AFAP1L1: variants seen among roughly 807,000 people sequenced by gnomAD.
The protein encoded by AFAP1L1 is actin filament-associated protein 1-like 1.
A neutral mutation model predicts 99.8 loss-of-function variants in AFAP1L1; 77 were observed. That is an observed-to-expected ratio of 0.77 (90% confidence interval 0.64 to 0.93). The LOEUF is 0.93. Among genes scored for constraint, AFAP1L1 ranks in the 40% least tolerant of loss-of-function variants. The probability of loss-of-function intolerance (pLI) is 0.00; values close to 1 mark genes in which losing one functional copy is unlikely to be tolerated. For missense variants in AFAP1L1, 893 were observed against 996.8 expected (o/e 0.90, Z 1.40); for synonymous variants, 373 against 395.3 (o/e 0.94, Z 0.67).
rs767387289 is a variant in AFAP1L1, at chr5:149,310,055, G to A, written c.847G>A (p.Glu283Lys). 44 of 1,614,092 alleles carry A rather than the reference G, an allele frequency of 2.7e-5. No homozygotes were observed. Among genetic ancestry groups the A allele is most frequent in the Middle Eastern group, 1.6e-4 (1 of 6,080 alleles). The change falls in exon 8 of 19, where the codon GAG (glutamate) becomes AAG (lysine). Residue 283 changes from glutamate to lysine, a missense_variant. Coordinates refer to ENST00000296721, the MANE Select transcript of AFAP1L1 (RefSeq NM_152406.4). ...VPKDSRHKRH[E>K]LRFTQGATEV... ...CAAGGACAGCCGGCACAAGAGGCAC[G>A]AGCTGCGTTTCACCCAGGGGGCTAC...
Position 149,271,907 on chromosome 5 carries a change from C to T in AFAP1L1, c.-62C>T. On this transcript the variant is annotated 5_prime_UTR_variant, in exon 1 of 19. Coordinates refer to ENST00000296721, the MANE Select transcript of AFAP1L1 (RefSeq NM_152406.4). ...GCCTGAGAGCGCAGCGCGCCGGCCGCTACCAGCCGCGCCGGAGCCCCTGCG... is the reference window on the plus strand; with the variant it reads ...GCCTGAGAGCGCAGCGCGCCGGCCGTTACCAGCCGCGCCGGAGCCCCTGCG... The T allele has an allele frequency of 1.7e-6, 2 of 1,193,950 alleles. No homozygotes were observed. The highest frequency in any genetic ancestry group is 1.0e-6 in the Non-Finnish European group (1 of 959,950). 74.0% of individuals were successfully genotyped at this position (1,193,950 alleles called of 1,614,324 possible).
rs1757549733 is a variant in AFAP1L1, at chr5:149,341,104, A to G, written c.*1074A>G. ...TCACTACTGTCTCAACACTGTAGTG[A>G]GTCTGTCTTTAACACATTTCCTTCC... On this transcript the variant is annotated 3_prime_UTR_variant, in exon 19 of 19. Coordinates refer to ENST00000296721, the MANE Select transcript of AFAP1L1 (RefSeq NM_152406.4). The G allele has an allele frequency of 6.6e-6, 1 of 152,186 alleles. No homozygotes were observed. The highest frequency in any genetic ancestry group is 1.5e-5 in the Non-Finnish European group (1 of 68,040). The allele number at this position is 152,186 out of a possible 1,614,324, so 9.4% of individuals were successfully genotyped here. A position where few individuals can be genotyped will look rare whatever the true frequency, so the allele number is the denominator to read the frequency against.
Position 149,309,966 on chromosome 5 carries a change from G to T in AFAP1L1, c.758G>T (p.Ser253Ile). 3 of 1,614,164 alleles carry T rather than the reference G, an allele frequency of 1.9e-6. No homozygotes were observed. The highest frequency in any genetic ancestry group is 2.5e-6 in the Non-Finnish European group (3 of 1,180,024). The change falls in exon 8 of 19, where the codon AGC becomes ATC. Residue 253 changes from serine to isoleucine, a missense_variant. Transcript: ENST00000296721. ...TCTCTCCCTGTCCAGTGTTACAAAA[G>T]CTCCAAGGATCGGCAGCCACATCTG... ...IREDQLLCYKSSKDRQPHLRL... is the reference protein window; with the variant it reads ...IREDQLLCYKISKDRQPHLRL...
Position 149,319,655 on chromosome 5 carries a change from A to C in AFAP1L1, c.1553A>C (p.Glu518Ala), listed in dbSNP as rs1463587865. ...GAGATGGGCTCCAGAGTCACTCCGG[A>C]GGCGCTGCACTATGACTACGTGGAT... Reference protein sequence around the residue: ...LVEMGSRVTPEALHYDYVDVE... With the variant: ...LVEMGSRVTPAALHYDYVDVE... The change falls in exon 13 of 19, where the codon GAG becomes GCG. Residue 518 changes from glutamate to alanine, a missense_variant. Coordinates refer to ENST00000296721, the MANE Select transcript of AFAP1L1 (RefSeq NM_152406.4). 1 of 1,612,792 alleles carries C rather than the reference A, an allele frequency of 6.2e-7. No homozygotes were observed. Among genetic ancestry groups the C allele is most frequent in the Non-Finnish European group, 8.5e-7 (1 of 1,180,020 alleles).
Position 149,281,184 on chromosome 5 carries a change from G to A in AFAP1L1, c.16+9200G>A, listed in dbSNP as rs578044351. Among the ~76,000 whole-genome samples the A allele has an allele frequency of 1.4e-4, 22 of 152,202 alleles. No homozygotes were observed. The East Asian group carries it at 4.2e-3, about 29-fold the overall frequency. The stretch of plus-strand genomic sequence containing the variant: ...GGGCAAGAAGGAACCTGTGTAATGG[G>A]GGACTCATCAGACAGAGAATTGACC... On this transcript the variant is annotated intron_variant, in intron 1 of 18. Transcript: ENST00000296721.
intron 1 of AFAP1L1, among the ~76,000 whole-genome samples, chr5:149,287,469 A>G (rs866393072): frequency 7.9e-5 from 12 of 152,172 alleles, no homozygotes; most frequent in Admixed American, 3.3e-4. Flanking sequence ...ATCAAAAATA[A>G]CTACATAAAT....
At chr5:149,285,160 A>C (rs1250823434) in intron 1 of AFAP1L1, among the ~76,000 whole-genome samples, 1 of 152,156 alleles carries the variant, frequency 6.6e-6, no homozygotes, top group Non-Finnish European at 1.5e-5. Flanking sequence ...CCCAGAACCA[A>C]ATCCAGGTTT....
Position 149,322,768 on chromosome 5 carries a change from C to T in AFAP1L1, c.1810+51C>T, listed in dbSNP as rs1581335179. ...CTGACTAGGGAGGAAGGAAAGGAAGCAGTCTATAGGAGGGATCTCAAAATC... is the reference window on the plus strand; with the variant it reads ...CTGACTAGGGAGGAAGGAAAGGAAGTAGTCTATAGGAGGGATCTCAAAATC... On this transcript the variant is annotated intron_variant, in intron 15 of 18. Transcript: ENST00000296721. 3 of 1,470,310 alleles carry T rather than the reference C, an allele frequency of 2.0e-6. No homozygotes were observed. The African/African-American group carries it at 4.2e-5, about 21-fold the overall frequency. The allele number at this position is 1,470,310 out of a possible 1,614,324, so 91.1% of individuals were successfully genotyped here. A position where few individuals can be genotyped will look rare whatever the true frequency, so the allele number is the denominator to read the frequency against.
chr5:149,286,721 A>C (rs1426019438), intron 1 of AFAP1L1, among the ~76,000 whole-genome samples: 3 of 152,202 alleles, frequency 2.0e-5, no homozygotes, highest in African/African-American at 7.2e-5. Flanking sequence ...CCTGCTTCTC[A>C]ACAGCATCAT....
intron 8 of AFAP1L1, among the ~76,000 whole-genome samples, chr5:149,310,750 C>A (rs1756605004): frequency 6.6e-6 from 1 of 152,174 alleles, no homozygotes; most frequent in South Asian, 2.1e-4. Flanking sequence ...CGTCACACAA[C>A]CAAAGTGGTG....
chr5:149,316,024 G>A (rs1019866734), intron 10 of AFAP1L1, 110 bp downstream of exon 10: 7 of 1,579,596 alleles, frequency 4.4e-6, no homozygotes, highest in Non-Finnish European at 6.1e-6. Flanking sequence ...CCTGGGTAAG[G>A]TGACCTGGCC....
chr5:149,289,876 T>G (rs931686986), intron 1 of AFAP1L1, among the ~76,000 whole-genome samples: 10 of 152,208 alleles, frequency 6.6e-5, no homozygotes, highest in African/African-American at 2.4e-4. Flanking sequence ...GATCCTCCAG[T>G]ATTCTCATTC....
At position 149,340,172 on chromosome 5, in the gene AFAP1L1, T is replaced by C; in HGVS notation, c.*142T>C. 1.2e-6 allele frequency: 1 copy of C among 867,758 alleles called. No individual in the cohort carries two copies. The highest frequency in any genetic ancestry group is 2.4e-5 in the Admixed American group (1 of 41,322). 53.8% of individuals were successfully genotyped at this position (867,758 alleles called of 1,614,324 possible). A position where few individuals can be genotyped will look rare whatever the true frequency, so the allele number is the denominator to read the frequency against. Reference sequence around the variant, plus strand: ...GCACCCAAAATACCAGCCTTTATTGTCTGCATGATTTTAGGGGATATGGGG... The same window carrying C: ...GCACCCAAAATACCAGCCTTTATTGCCTGCATGATTTTAGGGGATATGGGG... On this transcript the variant is annotated 3_prime_UTR_variant, in exon 19 of 19. Coordinates refer to ENST00000296721, the MANE Select transcript of AFAP1L1 (RefSeq NM_152406.4).
intron 9 of AFAP1L1, among the ~76,000 whole-genome samples, chr5:149,313,995 T>C (rs945792611): frequency 1.2e-4 from 19 of 152,184 alleles, no homozygotes; most frequent in Admixed American, 7.2e-4. Flanking sequence ...CCCAGAAAGC[T>C]ACAGTGAGTG....
intron 16 of AFAP1L1, 53 bp from the exon 17 acceptor site, chr5:149,332,642 C>A: frequency 6.4e-7 from 1 of 1,567,502 alleles, no homozygotes; most frequent in Non-Finnish European, 8.6e-7. Context: ...TGCCAGATTC[C>A]CTGACATTTC....
intron 4 of AFAP1L1, among the ~76,000 whole-genome samples, 200 bp from the exon 5 acceptor site, chr5:149,302,218 C>A (rs1756245123): frequency 1.6e-5 from 1 of 62,802 alleles, no homozygotes; most frequent in Non-Finnish European, 3.3e-5. Flanking sequence ...CCAGGGGAAC[C>A]CTGATGATTA....
intron 1 of AFAP1L1, among the ~76,000 whole-genome samples, chr5:149,293,110 T>C (rs1481788893): frequency 6.6e-6 from 1 of 152,184 alleles, no homozygotes; most frequent in Non-Finnish European, 1.5e-5. Flanking sequence ...TCCTCCTTTG[T>C]GCCTACCACT....
rs922465965 is a variant in AFAP1L1, at chr5:149,327,175, T to A, written c.1811-2491T>A. Reference sequence around the variant, plus strand: ...TTCAAAGCAGCCATTATAAATATATTTAAAGAACTTAAGGAAACCATGCTT... The same window carrying A: ...TTCAAAGCAGCCATTATAAATATATATAAAGAACTTAAGGAAACCATGCTT... On this transcript the variant is annotated intron_variant, in intron 15 of 18. Transcript: ENST00000296721. Among the ~76,000 whole-genome samples, 4 of 150,198 alleles carry A rather than the reference T, an allele frequency of 2.7e-5. 1 individual carries two copies. Among genetic ancestry groups the A allele is most frequent in the African/African-American group, 9.9e-5 (4 of 40,550 alleles).
At position 149,341,147 on chromosome 5, in the gene AFAP1L1, T is replaced by G. The variant is rs1757550893; in HGVS notation, c.*1117T>G. Reference sequence around the variant, plus strand: ...TTCCTTCCAATAAAGATAAAACCACTTAACTCTTAAGTGCCAGTGCTTAGC... The same window carrying G: ...TTCCTTCCAATAAAGATAAAACCACGTAACTCTTAAGTGCCAGTGCTTAGC... On this transcript the variant is annotated 3_prime_UTR_variant, in exon 19 of 19. Coordinates refer to ENST00000296721, the MANE Select transcript of AFAP1L1 (RefSeq NM_152406.4). 6.6e-6 allele frequency: 1 copy of G among 152,196 alleles called. No homozygotes were observed. The highest frequency in any genetic ancestry group is 6.5e-5 in the Admixed American group (1 of 15,276). The allele number at this position is 152,196 out of a possible 1,614,324, so 9.4% of individuals were successfully genotyped here.
Sources: allele counts gnomAD v4.1 joint callset (sites outside exome capture counted in the v4.1 genomes callset), GRCh38; gene constraint gnomAD v4.1.1; transcripts MANE v1.5; gene names NCBI Gene and HGNC (gene_info 2026-07-23, HGNC 2026-07-21).